Variants in DNM3 observed in about 807,000 individuals in gnomAD.
DNM3 encodes the protein dynamin-3.
In DNM3, 47 loss-of-function variants were observed where a neutral mutation model predicts 101.6. The observed-to-expected ratio is 0.46, with a 90% CI of 0.37 to 0.59. The LOEUF (loss-of-function observed/expected upper bound fraction) is 0.59, where lower values mean the gene tolerates loss of function less well. Among genes scored for constraint, DNM3 ranks in the 20% least tolerant of loss-of-function variants. The probability of loss-of-function intolerance (pLI) is 0.00; values close to 1 mark genes in which losing one functional copy is unlikely to be tolerated. For missense variants in DNM3, 849 were observed against 1,085.7 expected, an observed-to-expected ratio of 0.78 and a Z score of 3.06; for synonymous variants, 385 against 387.9, an observed-to-expected ratio of 0.99 and a Z score of 0.09.
chr1:172,167,724 T>C (rs1471448963), intron 14 of DNM3, among the ~76,000 whole-genome samples: 1 of 152,052 alleles, frequency 6.6e-6, no homozygotes, highest in Admixed American at 6.6e-5. Context: ...TCCATATAAT[T>C]GATGCCCTCA....
At chr1:172,358,818 G>T (rs1036371079) in intron 17 of DNM3, among the ~76,000 whole-genome samples, 1 of 151,918 alleles carries the variant, frequency 6.6e-6, no homozygotes, top group Non-Finnish European at 1.5e-5. Context: ...ATAATAAAAA[G>T]CACATAAAAT....
At chr1:171,942,585 C>T (rs893376148) in intron 2 of DNM3, among the ~76,000 whole-genome samples, 1 of 151,938 alleles carries the variant, frequency 6.6e-6, no homozygotes, top group Non-Finnish European at 1.5e-5. Context: ...ACATATTGAA[C>T]GAAGTGGGCA....
intron 2 of DNM3, among the ~76,000 whole-genome samples, chr1:171,980,676 A>G (rs962433677): frequency 1.3e-5 from 2 of 151,718 alleles, no homozygotes; most frequent in Non-Finnish European, 2.9e-5. Flanking sequence ...CAACTTTTTT[A>G]GCTTTCATAT....
At chr1:171,980,049 T>C (rs557530137) in intron 2 of DNM3, among the ~76,000 whole-genome samples, 1 of 152,242 alleles carries the variant, frequency 6.6e-6, no homozygotes, top group Middle Eastern at 3.4e-3. Flanking sequence ...ACCCTCCACT[T>C]ACTCCCATCT....
intron 2 of DNM3, among the ~76,000 whole-genome samples, chr1:171,961,415 T>G (rs1571846734): frequency 6.6e-6 from 1 of 152,182 alleles, no homozygotes; most frequent in South Asian, 2.1e-4. Flanking sequence ...TATCCCATAC[T>G]GTACTCAGAA....
chr1:171,865,532 A>T (rs1396103299), intron 1 of DNM3, among the ~76,000 whole-genome samples: 1 of 150,990 alleles, frequency 6.6e-6, no homozygotes, highest in African/African-American at 2.4e-5. Context: ...AAAAAAAAAA[A>T]AAAAAAAAGA....
intron 4 of DNM3, among the ~76,000 whole-genome samples, chr1:172,006,813 C>T (rs1056526334): frequency 1.3e-5 from 2 of 152,070 alleles, no homozygotes; most frequent in Non-Finnish European, 2.9e-5. Context: ...AGTGTCTATT[C>T]TAGTATCCAA....
chr1:172,223,369 C>A (rs549562730), intron 14 of DNM3, among the ~76,000 whole-genome samples: 2 of 151,392 alleles, frequency 1.3e-5, no homozygotes, highest in African/African-American at 4.9e-5. Flanking sequence ...AATTGGCAGG[C>A]ACCATTGTAT....
chr1:172,314,590 C>T (rs562347337), intron 16 of DNM3, among the ~76,000 whole-genome samples: 7 of 152,322 alleles, frequency 4.6e-5, no homozygotes, highest in Middle Eastern at 3.4e-3. Context: ...AATTATATCC[C>T]GCACCTGGCT....
chr1:172,148,647 T>C (rs1042880776), intron 14 of DNM3, among the ~76,000 whole-genome samples: 4 of 152,126 alleles, frequency 2.6e-5, no homozygotes, highest in Non-Finnish European at 1.5e-5. Flanking sequence ...AACCAAGTTG[T>C]AGTGTTTCCT....
At chr1:172,008,792 T>C (rs938366577) in intron 4 of DNM3, among the ~76,000 whole-genome samples, 5 of 73,248 alleles carry the variant, frequency 6.8e-5, no homozygotes, top group Admixed American at 1.4e-4. Context: ...TATATTAATA[T>C]ATATAATATA....
At chr1:172,044,545 G>A (rs2049624364) in intron 9 of DNM3, 93 bp downstream of exon 9, 3 of 1,001,622 alleles carry the variant, frequency 3.0e-6, no homozygotes, top group Non-Finnish European at 4.5e-6. Context: ...TTTCATCATT[G>A]AATAGGGTAG....
chr1:172,168,723 TG>T (rs2148331763), intron 14 of DNM3, among the ~76,000 whole-genome samples: 1 of 152,058 alleles, frequency 6.6e-6, no homozygotes, highest in Non-Finnish European at 1.5e-5. Flanking sequence ...ACATTAGGTT[TG>T]CAAGGTGTCC....
At chr1:171,975,165 GC>G (rs2044283187) in intron 2 of DNM3, among the ~76,000 whole-genome samples, 2 of 151,970 alleles carry the variant, frequency 1.3e-5, no homozygotes, top group South Asian at 4.2e-4. Context: ...CCATTGTTTT[GC>G]TTTTTAAAAA....
At chr1:172,034,395 C>T (rs2125808436) in intron 6 of DNM3, among the ~76,000 whole-genome samples, 1 of 152,114 alleles carries the variant, frequency 6.6e-6, no homozygotes, top group Non-Finnish European at 1.5e-5. Flanking sequence ...ACTGCTTTAA[C>T]AGCTGTATTT....
At chr1:171,939,474 G>A (rs896740203) in intron 2 of DNM3, among the ~76,000 whole-genome samples, 3 of 152,138 alleles carry the variant, frequency 2.0e-5, no homozygotes, top group Non-Finnish European at 4.4e-5. Flanking sequence ...CCAAACCAAC[G>A]ATTATACTTC....
chr1:172,053,087 A>G (rs1169403521), intron 10 of DNM3, among the ~76,000 whole-genome samples: 2 of 152,116 alleles, frequency 1.3e-5, no homozygotes, highest in African/African-American at 4.8e-5. Flanking sequence ...TATCCTCAAA[A>G]TTATTCAACG....
intron 12 of DNM3, among the ~76,000 whole-genome samples, chr1:172,082,799 A>G (rs2053254618): frequency 6.6e-6 from 1 of 152,210 alleles, no homozygotes; most frequent in Non-Finnish European, 1.5e-5. Context: ...GGCCTGAGGA[A>G]TTTACAGGCA....
At chr1:171,880,481 A>T (rs1165829137) in intron 1 of DNM3, among the ~76,000 whole-genome samples, 1 of 152,192 alleles carries the variant, frequency 6.6e-6, no homozygotes, top group Admixed American at 6.5e-5. Context: ...ATTTTTTGGC[A>T]CAGCGATCAT....
Sources: gnomAD v4.1 joint callset for allele counts (sites outside exome capture counted in the v4.1 genomes callset) on GRCh38, gnomAD v4.1.1 for gene constraint, MANE v1.5 for transcripts, NCBI Gene and HGNC (gene_info 2026-07-23, HGNC 2026-07-21) for gene names.